TTC6: variants seen among roughly 807,000 people sequenced by gnomAD.
TTC6 encodes tetratricopeptide repeat protein 6.
TTC6 carries 172 observed loss-of-function variants against 210.4 expected under a neutral mutation model. The ratio of observed to expected loss-of-function variants is 0.82; its 90% CI spans 0.72 to 0.93. TTC6 has a LOEUF of 0.93. Ranked by LOEUF, TTC6 falls within the 40% of genes least tolerant of loss-of-function variation. The pLI is 0.00. For synonymous variants in TTC6, 804 were observed against 819.6 expected (o/e 0.98, Z 0.32); for missense variants, 2,414 against 2,318.1 (o/e 1.04, Z -0.85).
chr14:37,608,643 T>A (rs2095629313), intron 2 of TTC6, among the ~76,000 whole-genome samples: 1 of 152,182 alleles, frequency 6.6e-6, no homozygotes, highest in African/African-American at 2.4e-5. Flanking sequence ...TTTCATCCAA[T>A]TGGAACTTAT....
chr14:37,624,808 A>AAC (rs2095657473), intron 1 of TTC6, among the ~76,000 whole-genome samples: 1 of 151,898 alleles, frequency 6.6e-6, no homozygotes, highest in African/African-American at 2.4e-5. Context: ...TTTTTAGTAG[A>AAC]GACAGGGTTT....
At chr14:37,815,722 G>T (rs1490591328) in intron 25 of TTC6, among the ~76,000 whole-genome samples, 1 of 152,148 alleles carries the variant, frequency 6.6e-6, no homozygotes, top group Admixed American at 6.6e-5. Context: ...ATTAGTGGCT[G>T]TGTGGTTTGT....
At chr14:37,784,856 G>T (rs959303900) in intron 14 of TTC6, among the ~76,000 whole-genome samples, 1 of 152,114 alleles carries the variant, frequency 6.6e-6, no homozygotes. Context: ...GTCTGTAAAG[G>T]ATTTTATTTC....
rs1035839224 is a variant in TTC6 at position 37,696,864 on chromosome 14, A to T, written c.1376+29A>T. 4 of 1,042,736 alleles carry T rather than the reference A, an allele frequency of 3.8e-6. 1 individual carries two copies. The highest frequency in any genetic ancestry group is 4.6e-5 in the South Asian group (2 of 43,636). 64.6% of individuals were successfully genotyped at this position (1,042,736 alleles called of 1,614,324 possible). On this transcript the variant is annotated intron_variant, in intron 4 of 30. Coordinates refer to ENST00000553443, the Ensembl canonical transcript of TTC6. ...ATTTTCTTAAATTTATAATTTTTCTATTGGGAGAGGAGTTATTCAGTAGCA... is the reference window on the plus strand; with the variant it reads ...ATTTTCTTAAATTTATAATTTTTCTTTTGGGAGAGGAGTTATTCAGTAGCA...
At chr14:37,801,640 T>C (rs1413228407) in intron 20 of TTC6, among the ~76,000 whole-genome samples, 1 of 152,114 alleles carries the variant, frequency 6.6e-6, no homozygotes, top group Non-Finnish European at 1.5e-5. Flanking sequence ...GAGAGTGATG[T>C]GGTGAGGAAC....
chr14:37,765,334 T>C (rs922892157), intron 14 of TTC6, among the ~76,000 whole-genome samples: 6 of 150,664 alleles, frequency 4.0e-5, no homozygotes, highest in African/African-American at 1.5e-4. Flanking sequence ...AATTTTTTTT[T>C]TTTTTTTTTT....
chr14:37,782,384 A>C (rs983656172), intron 14 of TTC6, among the ~76,000 whole-genome samples: 4 of 152,056 alleles, frequency 2.6e-5, no homozygotes, highest in African/African-American at 9.7e-5. Context: ...ATTCTCTTTG[A>C]AGCAATTGTG....
chr14:37,804,930 T>C (rs1021320585), intron 21 of TTC6, 116 bp downstream of exon 23: 14 of 1,134,624 alleles, frequency 1.2e-5, no homozygotes, highest in Non-Finnish European at 1.8e-5. Flanking sequence ...AAGCTGCTTA[T>C]GAAGCTTGGC....
At chr14:37,736,639 C>T (rs944974810) in intron 8 of TTC6, among the ~76,000 whole-genome samples, 4 of 152,156 alleles carry the variant, frequency 2.6e-5, no homozygotes, top group African/African-American at 9.7e-5. Context: ...TTGCTTTAAA[C>T]GGTGATCAGA....
At chr14:37,749,061 C>G in exon 11 of TTC6, 2 of 1,535,680 alleles carry the variant, frequency 1.3e-6, no homozygotes, top group Non-Finnish European at 1.7e-6. Flanking sequence ...TTCGTCCAAG[C>G]TAAGGGAGGA....
exon 1 of TTC6, chr14:37,622,268 C>T (rs1253097581): frequency 6.5e-7 from 1 of 1,535,154 alleles, no homozygotes; most frequent in Non-Finnish European, 8.7e-7. Flanking sequence ...TTTCCTGCGC[C>T]GCAGCCCGGA....
intron 29 of TTC6, among the ~76,000 whole-genome samples, chr14:37,831,035 A>G (rs2096183681): frequency 6.6e-6 from 1 of 152,046 alleles, no homozygotes; most frequent in Non-Finnish European, 1.5e-5. Context: ...TCTTCCATAT[A>G]ACTGTATTTT....
intron 14 of TTC6, among the ~76,000 whole-genome samples, chr14:37,762,920 C>T (rs1488446922): frequency 9.8e-5 from 13 of 132,746 alleles, no homozygotes; most frequent in Non-Finnish European, 1.7e-4. Context: ...TGGCTCTGTT[C>T]CCCAGGCAGG....
chr14:37,753,038 G>T, intron 13 of TTC6, 61 bp from the exon 16 acceptor site: 2 of 1,344,710 alleles, frequency 1.5e-6, no homozygotes, highest in South Asian at 3.1e-5. Context: ...TCACTTATGT[G>T]ATTATATACT....
chr14:37,622,152 A>G, exon 1 of TTC6: 3 of 1,535,516 alleles, frequency 2.0e-6, no homozygotes, highest in South Asian at 1.2e-5. Flanking sequence ...GCAGGAAACT[A>G]AAAAGGATTT....
At chr14:37,655,500 C>G (rs181928253) in intron 1 of TTC6, among the ~76,000 whole-genome samples, 3 of 152,224 alleles carry the variant, frequency 2.0e-5, no homozygotes, top group African/African-American at 7.2e-5. Flanking sequence ...AACCTTTTTC[C>G]CAGAACTTCC....
chr14:37,605,529 A>G (rs2095623592), intron 1 of TTC6, among the ~76,000 whole-genome samples: 4 of 152,220 alleles, frequency 2.6e-5, no homozygotes, highest in Non-Finnish European at 5.9e-5. Flanking sequence ...ATCTCTGGCT[A>G]AATGCAGCTT....
chr14:37,809,860 G>C (rs1022476236), intron 24 of TTC6, among the ~76,000 whole-genome samples: 8 of 152,058 alleles, frequency 5.3e-5, no homozygotes, highest in South Asian at 2.1e-4. Context: ...CTAGTCTTGC[G>C]GTCTTTCAGT....
At chr14:37,757,496 A>G (rs1213398864) in intron 14 of TTC6, among the ~76,000 whole-genome samples, 2 of 151,992 alleles carry the variant, frequency 1.3e-5, no homozygotes, top group African/African-American at 4.8e-5. Context: ...GATGATCTCG[A>G]TCTCCTGACC....
Sources: allele counts gnomAD v4.1 joint callset (sites outside exome capture counted in the v4.1 genomes callset), GRCh38; gene constraint gnomAD v4.1.1; transcripts MANE v1.5; gene names NCBI Gene and HGNC (gene_info 2026-07-23, HGNC 2026-07-21).